Variants in TNRC6B observed in about 807,000 individuals in gnomAD.
TNRC6B encodes the protein trinucleotide repeat containing adaptor 6B, also known as trinucleotide repeat-containing gene 6B protein.
Under a neutral mutation model 203.6 loss-of-function variants are expected in TNRC6B, and 52 were observed. That is an observed-to-expected ratio of 0.26 (90% CI 0.20 to 0.32). TNRC6B has a LOEUF of 0.32. TNRC6B is among the 10% of genes least tolerant of loss of function. The probability of loss-of-function intolerance (pLI) is 1.00; values close to 1 mark genes in which losing one functional copy is unlikely to be tolerated. For synonymous variants in TNRC6B, 838 were observed against 845.7 expected (o/e 0.99, Z 0.16); for missense variants, 1,923 against 2,286.2 (o/e 0.84, Z 3.24).
At chr22:40,125,729 G>T in intron 2 of TNRC6B, 1 of 1,478,050 alleles carries the variant, frequency 6.8e-7, no homozygotes, top group Non-Finnish European at 9.0e-7. Context: ...AAATTTTTTT[G>T]CCCTGAATTC....
chr22:40,094,578 TG>T (rs1369311720), intron 1 of TNRC6B, among the ~76,000 whole-genome samples: 1 of 152,238 alleles, frequency 6.6e-6, no homozygotes. Flanking sequence ...TATAAATTAT[TG>T]AAGGTTAAAA....
Position 40,322,927 on chromosome 22 carries a change from G to C in TNRC6B, c.5188G>C (p.Ala1730Pro). 1.2e-6 allele frequency: 2 copies of C among 1,613,838 alleles called. No homozygotes were observed. The highest frequency in any genetic ancestry group is 1.7e-6 in the Non-Finnish European group (2 of 1,179,820). Residue 1730 changes from alanine to proline, a missense_variant, in exon 23 of 23, where the codon GCT becomes CCT. By Grantham distance (27) the Ala-to-Pro change is conservative (BLOSUM62 -1). This residue lies in a region of TNRC6B where 126 missense variants were observed against 137.5 expected (regional missense o/e 0.92). Transcript: ENST00000454349. Reference sequence around the variant, plus strand: ...TGAAGTCAGCCGCTTTCTGGCACAAGCTCAGCCCCCTACACCTGCAGCAAC... The same window carrying C: ...TGAAGTCAGCCGCTTTCTGGCACAACCTCAGCCCCCTACACCTGCAGCAAC... ...DDEVSRFLAQ[A>P]QPPTPAATPS...
At chr22:40,181,262 C>T (rs1041318538) in intron 1 of TNRC6B, among the ~76,000 whole-genome samples, 3 of 152,110 alleles carry the variant, frequency 2.0e-5, no homozygotes, top group Admixed American at 1.3e-4. Context: ...GAGTGTTATG[C>T]GATGATGAGA....
chr22:40,296,012 C>T (rs1242092650), intron 12 of TNRC6B, among the ~76,000 whole-genome samples: 1 of 152,134 alleles, frequency 6.6e-6, no homozygotes, highest in East Asian at 1.9e-4. Context: ...TTTAATGACA[C>T]CCATCTTTCC....
intron 1 of TNRC6B, among the ~76,000 whole-genome samples, chr22:40,243,455 T>G (rs780263394): frequency 6.6e-6 from 1 of 152,212 alleles, no homozygotes; most frequent in Non-Finnish European, 1.5e-5. Flanking sequence ...GAAATGAATT[T>G]ACTTCTATTG....
At chr22:40,245,450 GAAATAGAAAATATATAAAAC>G (rs1347128238) in intron 1 of TNRC6B, among the ~76,000 whole-genome samples, 2 of 151,616 alleles carry the variant, frequency 1.3e-5, no homozygotes, top group African/African-American at 2.4e-5. Context: ...AATAGAAATA[GAAATAGAAAATATATAAAAC>G]AAATAGAAAA....
rs552852581 is a variant in TNRC6B at position 40,246,952 on chromosome 22, GCAAAGGGC to G, written c.93+854_93+861del. 2.0e-5 allele frequency among the ~76,000 whole-genome samples: 3 copies of G among 152,252 alleles called. No homozygotes were observed. In the East Asian group the frequency reaches 5.8e-4, roughly 29 times the overall value. On this transcript the variant is annotated intron_variant, in intron 2 of 22. Coordinates refer to ENST00000454349, the MANE Select transcript of TNRC6B (RefSeq NM_001162501.2). ...AACAAGAGATGCTAAAAGAAAAAAG[GCAAAGGGC>G]CAACGGCTGTCACCTGTCAGGTCTC...
chr22:40,078,442 T>G (rs2068037793), intron 1 of TNRC6B, among the ~76,000 whole-genome samples: 1 of 152,112 alleles, frequency 6.6e-6, no homozygotes, highest in African/African-American at 2.4e-5. Context: ...GAGGATCACT[T>G]GAGCCCAGGA....
chr22:40,303,957 T>A (rs2146553108), intron 15 of TNRC6B, among the ~76,000 whole-genome samples: 1 of 152,348 alleles, frequency 6.6e-6, no homozygotes, highest in South Asian at 2.1e-4. Context: ...TTGTTTGAAT[T>A]GAAGAATACA....
In TNRC6B at chr22:40,158,016, T is replaced by G. The variant is rs112044477; in HGVS notation, c.113+1834T>G. The stretch of plus-strand genomic sequence containing the variant: ...TGAAAAATACTGTTGTTAGTAAAAC[T>G]GCAGTTGTCAAAATCAAAGTCTCAT... On this transcript the variant is annotated intron_variant, in intron 4 of 23. Coordinates refer to the TNRC6B transcript ENST00000301923. Among the ~76,000 whole-genome samples the G allele has an allele frequency of 3.5e-4, 53 of 152,202 alleles. 2 individuals carry two copies. The highest frequency in any genetic ancestry group is 1.3e-3 in the African/African-American group (52 of 41,536).
intron 1 of TNRC6B, among the ~76,000 whole-genome samples, chr22:40,068,751 T>C (rs1353136268): frequency 6.6e-6 from 1 of 151,984 alleles, no homozygotes; most frequent in East Asian, 1.9e-4. Context: ...AAAATCTTCT[T>C]TTATTTTTTA....
At chr22:40,159,687 AC>A (rs1402316316) in intron 4 of TNRC6B, among the ~76,000 whole-genome samples, 1 of 144,322 alleles carries the variant, frequency 6.9e-6, no homozygotes, top group African/African-American at 2.6e-5. Context: ...GAAAGGTGAA[AC>A]CCTTCCCTTC....
chr22:40,210,633 A>G (rs1449973975), intron 1 of TNRC6B, among the ~76,000 whole-genome samples: 1 of 152,208 alleles, frequency 6.6e-6, no homozygotes, highest in Non-Finnish European at 1.5e-5. Context: ...TGCCCCTTTG[A>G]CTGCAGTGGA....
chr22:40,242,761 C>T (rs946954013), intron 1 of TNRC6B, among the ~76,000 whole-genome samples: 1 of 151,756 alleles, frequency 6.6e-6, no homozygotes, highest in African/African-American at 2.4e-5. Flanking sequence ...AATAGTCCAT[C>T]AGTCTCCTGT....
At chr22:40,262,394 C>T (rs1358612282) in intron 4 of TNRC6B, among the ~76,000 whole-genome samples, 1 of 152,180 alleles carries the variant, frequency 6.6e-6, no homozygotes, top group Admixed American at 6.5e-5. Flanking sequence ...GCTAACTTAA[C>T]TGCTGTTGCT....
intron 1 of TNRC6B, among the ~76,000 whole-genome samples, chr22:40,112,715 A>G (rs541522606): frequency 1.2e-4 from 19 of 152,344 alleles, no homozygotes; most frequent in African/African-American, 4.6e-4. Context: ...GTTGAATAGT[A>G]TCTGTTGCAT....
At position 40,323,081 on chromosome 22, in the gene TNRC6B, G is replaced by A; in HGVS notation, c.5342G>A (p.Gly1781Asp). 1 of 1,605,906 alleles carries A rather than the reference G, an allele frequency of 6.2e-7. No individual in the cohort carries two copies. The highest frequency in any genetic ancestry group is 8.5e-7 in the Non-Finnish European group (1 of 1,175,926). The change falls in exon 23 of 23, where the codon GGC becomes GAC. Residue 1781 changes from glycine to aspartate, a missense_variant. Gly to Asp is a moderately conservative substitution (Grantham distance 94). Transcript: ENST00000454349. ...GLGQWSSSAG[G>D]SSGADLAGAS... is the part of the protein sequence containing the mutation. ...GGGCAGTGGAGCAGCAGCGCTGGTG[G>A]CAGCAGCGGGGCCGATCTTGCTGGC...
chr22:40,168,795 A>G (rs538654751), intron 4 of TNRC6B, among the ~76,000 whole-genome samples: 2 of 152,290 alleles, frequency 1.3e-5, no homozygotes, highest in African/African-American at 4.8e-5. Flanking sequence ...TGCCTTTCCC[A>G]GGTTCTCTCC....
chr22:40,201,917 G>A (rs761673498), intron 1 of TNRC6B, among the ~76,000 whole-genome samples: 1 of 152,186 alleles, frequency 6.6e-6, no homozygotes, highest in Admixed American at 6.5e-5. Flanking sequence ...TTCAGAATCC[G>A]AAAAAGTTTG....
Sources: allele counts gnomAD v4.1 joint callset (sites outside exome capture counted in the v4.1 genomes callset), GRCh38; gene constraint gnomAD v4.1.1; regional missense constraint gnomAD v4.1.1; transcripts MANE v1.5; gene names NCBI Gene and HGNC (gene_info 2026-07-23, HGNC 2026-07-21).